The following MAOA variants were observed in gnomAD, a reference collection of about 807,000 sequenced individuals.
The protein encoded by MAOA is amine oxidase [flavin-containing] A.
Under a neutral mutation model 42.0 loss-of-function variants are expected in MAOA, and 6 were observed. The ratio of observed to expected loss-of-function variants is 0.14; its 90% CI spans 0.08 to 0.28. The LOEUF is 0.28. MAOA is among the 10% of genes least tolerant of loss of function. MAOA has a pLI of 1.00. For synonymous variants in MAOA, 140 were observed against 154.0 expected (o/e 0.91, Z 0.67); for missense variants, 262 against 422.3 (o/e 0.62, Z 3.33).
intron 1 of MAOA, among the ~76,000 whole-genome samples, chrX:43,677,495 G>A (rs970765790): frequency 1.8e-5 from 2 of 111,029 alleles, no homozygotes; most frequent in African/African-American, 6.6e-5. Flanking sequence ...GCTTTTAGCA[G>A]ACTAGCTTTT....
At chrX:43,717,745 G>A (rs2033755958) in intron 5 of MAOA, among the ~76,000 whole-genome samples, 1 of 110,373 alleles carries the variant, frequency 9.1e-6, no homozygotes, top group African/African-American at 3.3e-5. Flanking sequence ...TGGTTTGGCG[G>A]AATGTTATTT....
chrX:43,688,223 T>C (rs1465328156), intron 2 of MAOA, among the ~76,000 whole-genome samples: 1 of 112,636 alleles, frequency 8.9e-6, no homozygotes, highest in Non-Finnish European at 1.9e-5. Context: ...CTCCTTGCTA[T>C]TTCTTGAATA....
chrX:43,670,295 G>T (rs2033318417), intron 1 of MAOA, among the ~76,000 whole-genome samples: 1 of 111,474 alleles, frequency 9.0e-6, no homozygotes, highest in African/African-American at 3.2e-5. Flanking sequence ...TCCAGAGCCT[G>T]CCCCAGGAAT....
Position 43,676,512 on chromosome X carries a change from T to C in MAOA, c.74-7001T>C, listed in dbSNP as rs908801447. Among the ~76,000 whole-genome samples, 39 of 111,731 alleles carry C rather than the reference T, an allele frequency of 3.5e-4. 1 individual carries two copies. The highest frequency in any genetic ancestry group is 5.5e-4 in the Non-Finnish European group (29 of 53,108). On this transcript the variant is annotated intron_variant, in intron 1 of 14. Coordinates refer to ENST00000338702, the MANE Select transcript of MAOA (RefSeq NM_000240.4). ...ATGAACCCAGTACATCAGATGGAAATGCAGAAATCACCCGTCTTCTGCATC... is the reference window on the plus strand; with the variant it reads ...ATGAACCCAGTACATCAGATGGAAACGCAGAAATCACCCGTCTTCTGCATC...
At position 43,727,069 on chromosome X, in the gene MAOA, A is replaced by C. The variant is rs772194329; in HGVS notation, c.504-1104A>C. On this transcript the variant is annotated intron_variant, in intron 5 of 14. Coordinates refer to ENST00000338702, the MANE Select transcript of MAOA (RefSeq NM_000240.4). Reference sequence around the variant, plus strand: ...GAAGCTTTGTCCCAGGGGGGCACCCACCAGATGCCAGCCAGAGCTCTCCTG... The same window carrying C: ...GAAGCTTTGTCCCAGGGGGGCACCCCCCAGATGCCAGCCAGAGCTCTCCTG... Among the ~76,000 whole-genome samples, 5 of 111,674 alleles carry C rather than the reference A, an allele frequency of 4.5e-5. No homozygotes were observed. In the East Asian group the frequency reaches 1.4e-3, roughly 32 times the overall value.
intron 5 of MAOA, among the ~76,000 whole-genome samples, chrX:43,718,229 G>T (rs2033759912): frequency 9.3e-6 from 1 of 107,442 alleles, no homozygotes. Flanking sequence ...ACAGAGGCAG[G>T]GGGAGACAGG....
intron 6 of MAOA, among the ~76,000 whole-genome samples, chrX:43,729,632 AT>A (rs1416625498): frequency 9.0e-6 from 1 of 110,705 alleles, no homozygotes; most frequent in African/African-American, 3.3e-5. Context: ...CACTCTGGGA[AT>A]TTTTTTTCCT....
At chrX:43,670,178 G>A (rs879216767) in intron 1 of MAOA, among the ~76,000 whole-genome samples, 1 of 111,947 alleles carries the variant, frequency 8.9e-6, no homozygotes, top group South Asian at 3.7e-4. Flanking sequence ...GTGGCAATAG[G>A]CTGAAGAAAC....
intron 5 of MAOA, among the ~76,000 whole-genome samples, chrX:43,723,719 A>G (rs140878834): frequency 0.15 from 17,117 of 111,179 alleles, 1,169 homozygotes; most frequent in Non-Finnish European, 0.21. Flanking sequence ...TTCCAATACT[A>G]TGTTGAATAG....
chrX:43,676,769 A>ATG (rs761762083), intron 1 of MAOA, among the ~76,000 whole-genome samples: 4,735 of 103,253 alleles, frequency 0.046, 97 homozygotes, highest in African/African-American at 0.061. Flanking sequence ...CATACAAAAA[A>ATG]TGTGTGTGTG....
At chrX:43,695,203 C>T (rs776820420) in intron 3 of MAOA, among the ~76,000 whole-genome samples, 1 of 111,945 alleles carries the variant, frequency 8.9e-6, no homozygotes, top group Non-Finnish European at 1.9e-5. Flanking sequence ...TGTTTGTCCT[C>T]ACACACATCT....
chrX:43,735,231 T>C (rs2033911398), intron 9 of MAOA, among the ~76,000 whole-genome samples: 1 of 112,142 alleles, frequency 8.9e-6, no homozygotes, highest in Non-Finnish European at 1.9e-5. Context: ...TGCACTGATC[T>C]ACCTGTCCTT....
chrX:43,694,428 G>A (rs950641403), intron 3 of MAOA, among the ~76,000 whole-genome samples: 1 of 111,786 alleles, frequency 8.9e-6, no homozygotes, highest in African/African-American at 3.3e-5. Context: ...AGATGCTTGG[G>A]ATAGTCTGGT....
intron 3 of MAOA, among the ~76,000 whole-genome samples, chrX:43,702,724 C>T (rs2033633092): frequency 8.9e-6 from 1 of 112,269 alleles, no homozygotes; most frequent in Admixed American, 9.5e-5. Context: ...GTAAACTATT[C>T]TATTACCTTT....
At chrX:43,735,230 C>CT (rs774774528) in intron 9 of MAOA, among the ~76,000 whole-genome samples, 3 of 111,879 alleles carry the variant, frequency 2.7e-5, no homozygotes. Context: ...TTGCACTGAT[C>CT]TACCTGTCCT....
At chrX:43,655,301 C>T (rs1246253053), upstream of MAOA, 1 of 112,625 alleles carries the variant, frequency 8.9e-6, no homozygotes, top group African/African-American at 3.2e-5. Flanking sequence ...ACAGCCTGTC[C>T]GAATGGAGCG....
At chrX:43,721,955 T>C (rs907809650) in intron 5 of MAOA, among the ~76,000 whole-genome samples, 4 of 111,330 alleles carry the variant, frequency 3.6e-5, no homozygotes, top group African/African-American at 1.3e-4. Flanking sequence ...TTTTCTCTTA[T>C]TGTGTTACTT....
intron 9 of MAOA, among the ~76,000 whole-genome samples, 160 bp downstream of exon 9, chrX:43,732,955 C>T (rs778666889): frequency 2.7e-5 from 3 of 112,308 alleles, no homozygotes; most frequent in East Asian, 2.8e-4. Context: ...AGTAATGTTT[C>T]GTATGTAGCA....
At chrX:43,686,921 A>G (rs1420420700) in intron 2 of MAOA, among the ~76,000 whole-genome samples, 1 of 112,196 alleles carries the variant, frequency 8.9e-6, no homozygotes, top group African/African-American at 3.2e-5. Flanking sequence ...TTGGGAGGAG[A>G]TGCCATAAAA....
Sources: allele counts gnomAD v4.1 joint callset (sites outside exome capture counted in the v4.1 genomes callset), GRCh38; gene constraint gnomAD v4.1.1; transcripts MANE v1.5; gene names NCBI Gene and HGNC (gene_info 2026-07-23, HGNC 2026-07-21).